Variants in PRDM16 observed in about 807,000 individuals in gnomAD.
The protein encoded by PRDM16 is histone-lysine N-methyltransferase PRDM16.
Under a neutral mutation model 110.6 loss-of-function variants are expected in PRDM16, and 23 were observed. That is an observed-to-expected ratio of 0.21 (90% CI 0.15 to 0.29). The LOEUF (loss-of-function observed/expected upper bound fraction) is 0.29. PRDM16 is among the 10% of genes least tolerant of loss of function. The pLI, the probability that PRDM16 is intolerant of heterozygous loss-of-function variation, is 1.00. For missense variants in PRDM16, 1,615 were observed against 1,794.3 expected, an observed-to-expected ratio of 0.90 and a Z score of 1.81; for synonymous variants, 799 against 781.8, an observed-to-expected ratio of 1.02 and a Z score of -0.37.
In PRDM16 at chr1:3,436,443, G is replaced by A. The variant is rs764468791; in HGVS notation, c.*2632G>A. On this transcript the variant is annotated 3_prime_UTR_variant, in exon 17 of 17. Coordinates refer to ENST00000270722, the MANE Select transcript of PRDM16 (RefSeq NM_022114.4). ...TGCACGTTTTAAGTCATATATTTTCGTCCCCCTGAAAATGATGGCAAGCCC... is the reference window on the plus strand; with the variant it reads ...TGCACGTTTTAAGTCATATATTTTCATCCCCCTGAAAATGATGGCAAGCCC... The A allele has an allele frequency of 5.2e-5, 12 of 230,890 alleles. No homozygotes were observed. The highest frequency in any genetic ancestry group is 2.8e-4 in the Admixed American group (5 of 17,722). 14.3% of individuals were successfully genotyped at this position (230,890 alleles called of 1,614,324 possible).
At chr1:3,228,871 G>A (rs1211469815) in intron 2 of PRDM16, among the ~76,000 whole-genome samples, 3 of 152,226 alleles carry the variant, frequency 2.0e-5, no homozygotes, top group Non-Finnish European at 2.9e-5. Flanking sequence ...ACCGCCACGG[G>A]CAGTGCTTTC....
At chr1:3,392,554 C>T (rs1036707862) in intron 4 of PRDM16, among the ~76,000 whole-genome samples, 7 of 152,130 alleles carry the variant, frequency 4.6e-5, no homozygotes, top group African/African-American at 9.7e-5. Context: ...TATGATTAAG[C>T]GGGAATGAGA....
At chr1:3,227,208 G>A (rs563515041) in intron 2 of PRDM16, among the ~76,000 whole-genome samples, 7 of 152,328 alleles carry the variant, frequency 4.6e-5, no homozygotes, top group African/African-American at 1.2e-4. Flanking sequence ...TTGCCTTCTC[G>A]CCCGGCGAGG....
rs1160820116 is a variant in PRDM16, at chr1:3,175,277, T to G, written c.38-10848T>G. On this transcript the variant is annotated intron_variant, in intron 1 of 16. Transcript: ENST00000270722. This position sits in a 1 kb window ranked among gnomAD's most constrained non-coding sequence, Gnocchi z 4.8. ...CCTGCCGCTCCAGGAGCCCTCCCAC[T>G]GAAGAAGGGCCTTCTGTTCACCAGG... is the stretch of plus-strand genomic sequence containing the variant. 2.0e-5 allele frequency among the ~76,000 whole-genome samples: 3 copies of G among 152,190 alleles called. No individual in the cohort carries two copies.
chr1:3,310,052 G>C (rs10909927), intron 3 of PRDM16: 32,486 of 152,158 alleles, frequency 0.21, 3,818 homozygotes, highest in East Asian at 0.32. Flanking sequence ...GTGCAGCACA[G>C]ACACTTTATT....
intron 3 of PRDM16, among the ~76,000 whole-genome samples, chr1:3,311,560 G>A (rs749966272): frequency 2.6e-5 from 4 of 152,214 alleles, no homozygotes; most frequent in Non-Finnish European, 5.9e-5. Context: ...ACCAGCCAGC[G>A]TGGTACGACT....
At chr1:3,303,127 G>A (rs1468582579) in intron 3 of PRDM16, among the ~76,000 whole-genome samples, 1 of 152,102 alleles carries the variant, frequency 6.6e-6, no homozygotes, top group Non-Finnish European at 1.5e-5. Flanking sequence ...GGAAGTGTTA[G>A]TTTTTGGTCA....
At chr1:3,187,850 C>T (rs1644288442) in intron 2 of PRDM16, among the ~76,000 whole-genome samples, 1 of 152,198 alleles carries the variant, frequency 6.6e-6, no homozygotes, top group African/African-American at 2.4e-5. Context: ...GTGGGGGTCC[C>T]GGTGCCTGAA....
chr1:3,300,184 C>G (rs192800814), intron 3 of PRDM16, among the ~76,000 whole-genome samples: 2 of 101,524 alleles, frequency 2.0e-5, no homozygotes, highest in African/African-American at 6.0e-5. Flanking sequence ...CGTGGTGACT[C>G]TGCCCTTGTT....
intron 1 of PRDM16, among the ~76,000 whole-genome samples, chr1:3,073,894 C>T (rs1434855457): frequency 3.3e-5 from 5 of 152,172 alleles, no homozygotes; most frequent in Non-Finnish European, 7.4e-5. Flanking sequence ...TCCGCGTCCC[C>T]AACCGCCGAC....
At chr1:3,111,815 G>C (rs908931241) in intron 1 of PRDM16, among the ~76,000 whole-genome samples, 1 of 152,144 alleles carries the variant, frequency 6.6e-6, no homozygotes, top group Non-Finnish European at 1.5e-5. Context: ...CTCCTTCCCC[G>C]CAGAACCCAA....
At chr1:3,150,985 C>A (rs187216898) in intron 1 of PRDM16, among the ~76,000 whole-genome samples, 1,122 of 56,250 alleles carry the variant, frequency 0.02, 28 homozygotes, top group African/African-American at 0.081. Context: ...GCTATGGAAA[C>A]GGGGGGCTGG....
chr1:3,336,474 A>G (rs1007607361), intron 3 of PRDM16, among the ~76,000 whole-genome samples: 3 of 151,082 alleles, frequency 2.0e-5, no homozygotes, highest in Admixed American at 1.3e-4. Context: ...GTGTGCACAT[A>G]CATACACATG....
intron 1 of PRDM16, among the ~76,000 whole-genome samples, chr1:3,164,378 T>C (rs540068398): frequency 3.9e-5 from 6 of 152,326 alleles, no homozygotes; most frequent in Non-Finnish European, 5.9e-5. Context: ...AGCCGTGACG[T>C]TGGGCCGACA....
At chr1:3,130,699 T>C (rs987231782) in intron 1 of PRDM16, among the ~76,000 whole-genome samples, 1 of 152,030 alleles carries the variant, frequency 6.6e-6, no homozygotes, top group Non-Finnish European at 1.5e-5. Flanking sequence ...CAAGAGCCCA[T>C]TACAGACGGA....
At chr1:3,092,714 G>C (rs898393966) in intron 1 of PRDM16, among the ~76,000 whole-genome samples, 1 of 152,160 alleles carries the variant, frequency 6.6e-6, no homozygotes, top group African/African-American at 2.4e-5. Context: ...GGGCACCCCC[G>C]GTCTGGGCTC....
intron 1 of PRDM16, among the ~76,000 whole-genome samples, chr1:3,142,005 G>A (rs1478706006): frequency 6.6e-6 from 1 of 152,278 alleles, no homozygotes; most frequent in Non-Finnish European, 1.5e-5. Flanking sequence ...GGGCCGCACT[G>A]TGCATTCGTC....
At chr1:3,242,418 A>T (rs1639694471) in intron 2 of PRDM16, among the ~76,000 whole-genome samples, 1 of 152,156 alleles carries the variant, frequency 6.6e-6, no homozygotes, top group South Asian at 2.1e-4. Context: ...CGAGAGCTCC[A>T]GCACCACCAC....
intron 2 of PRDM16, among the ~76,000 whole-genome samples, chr1:3,188,615 C>T (rs1271138173): frequency 6.6e-6 from 1 of 152,260 alleles, no homozygotes; most frequent in Non-Finnish European, 1.5e-5. Flanking sequence ...CTCCCCCCGA[C>T]GCCCTCAAAC....
Sources: allele counts gnomAD v4.1 joint callset (sites outside exome capture counted in the v4.1 genomes callset), GRCh38; gene constraint gnomAD v4.1.1; non-coding constraint Gnocchi (gnomAD v3.1); transcripts MANE v1.5; gene names NCBI Gene and HGNC (gene_info 2026-07-23, HGNC 2026-07-21).